Variants in REC114 observed in about 807,000 individuals in gnomAD.
REC114 encodes the protein meiotic recombination protein REC114.
A neutral mutation model predicts 31.3 loss-of-function variants in REC114; 27 were observed. The ratio of observed to expected loss-of-function variants is 0.86; its 90% CI spans 0.64 to 1.19. The LOEUF (loss-of-function observed/expected upper bound fraction) is 1.19. REC114 is among the 50% of genes most tolerant of loss of function. REC114 has a pLI of 0.00. For synonymous variants in REC114, 134 were observed against 127.7 expected, an observed-to-expected ratio of 1.05 and a Z score of -0.33; for missense variants, 344 against 326.9, an observed-to-expected ratio of 1.05 and a Z score of -0.40.
At chr15:73,495,290 T>C (rs1335392811) in intron 2 of REC114, among the ~76,000 whole-genome samples, 1 of 152,138 alleles carries the variant, frequency 6.6e-6, no homozygotes, top group African/African-American at 2.4e-5. Flanking sequence ...GTGTAGACTG[T>C]CTTTATTTTT....
intron 2 of REC114, among the ~76,000 whole-genome samples, chr15:73,520,228 T>G (rs1893916876): frequency 6.6e-6 from 1 of 151,986 alleles, no homozygotes; most frequent in South Asian, 2.1e-4. Flanking sequence ...TTTTTTCGTT[T>G]TGGGTTTTTT....
chr15:73,529,962 AAC>A lies in REC114; in HGVS notation c.250-10519_250-10518del, dbSNP rs780592195. Among the ~76,000 whole-genome samples the A allele has an allele frequency of 3.3e-5, 5 of 152,190 alleles. 1 individual carries two copies. The South Asian group carries it at 6.2e-4, about 19-fold the overall frequency. On this transcript the variant is annotated intron_variant, in intron 2 of 5. Coordinates refer to ENST00000331090, the MANE Select transcript of REC114 (RefSeq NM_001042367.2). ...GATTTCTAGATGATAAAAATTGTAA[AAC>A]ACAGTCGTCCTTTTTTGTTGACATT...
At chr15:73,507,141 T>C (rs1321554036) in intron 2 of REC114, among the ~76,000 whole-genome samples, 1 of 152,286 alleles carries the variant, frequency 6.6e-6, no homozygotes, top group East Asian at 1.9e-4. Flanking sequence ...CTACAATTAA[T>C]AAGATAAATT....
At chr15:73,506,424 C>G (rs1427963387) in intron 2 of REC114, among the ~76,000 whole-genome samples, 2 of 152,112 alleles carry the variant, frequency 1.3e-5, no homozygotes, top group Non-Finnish European at 2.9e-5. Flanking sequence ...ATTACTAATA[C>G]TTATGAAATC....
intron 2 of REC114, among the ~76,000 whole-genome samples, chr15:73,530,353 G>C (rs1894060077): frequency 6.6e-6 from 1 of 152,078 alleles, no homozygotes; most frequent in Non-Finnish European, 1.5e-5. Context: ...CTAACAACTG[G>C]TTATGATTAT....
intron 5 of REC114, among the ~76,000 whole-genome samples, chr15:73,558,572 C>T (rs1203102761): frequency 6.6e-6 from 1 of 152,226 alleles, no homozygotes; most frequent in Non-Finnish European, 1.5e-5. Flanking sequence ...CATTATTAGT[C>T]ATTAGGCAAA....
At chr15:73,494,596 G>A (rs956615852) in intron 2 of REC114, among the ~76,000 whole-genome samples, 11 of 151,646 alleles carry the variant, frequency 7.3e-5, no homozygotes, top group Admixed American at 7.2e-4. Flanking sequence ...AAAAAGAAAT[G>A]TACCTTTTCT....
At chr15:73,463,190 T>C (rs1162431941) in intron 1 of REC114, among the ~76,000 whole-genome samples, 2 of 152,174 alleles carry the variant, frequency 1.3e-5, no homozygotes, top group Non-Finnish European at 2.9e-5. Flanking sequence ...AATTTTTAGG[T>C]TTCTCTGCAG....
intron 2 of REC114, among the ~76,000 whole-genome samples, chr15:73,529,142 T>A (rs537562661): frequency 1.2e-3 from 180 of 151,344 alleles, no homozygotes; most frequent in African/African-American, 4.2e-3. Flanking sequence ...TTATTTATTT[T>A]ATTTTTTTTT....
chr15:73,478,015 G>A (rs765579484), intron 2 of REC114, among the ~76,000 whole-genome samples: 9 of 152,160 alleles, frequency 5.9e-5, no homozygotes, highest in Non-Finnish European at 1.2e-4. Flanking sequence ...TGTAATCCCA[G>A]CACTTTGTGA....
At chr15:73,475,266 A>G (rs1267589826) in intron 2 of REC114, among the ~76,000 whole-genome samples, 2 of 152,234 alleles carry the variant, frequency 1.3e-5, no homozygotes, top group African/African-American at 2.4e-5. Context: ...CACTGTAGTC[A>G]CAAAACCAAG....
intron 1 of REC114, among the ~76,000 whole-genome samples, chr15:73,459,532 C>T (rs1057051983): frequency 6.6e-6 from 1 of 152,128 alleles, no homozygotes; most frequent in Non-Finnish European, 1.5e-5. Context: ...GCGCCCGGCC[C>T]TAATTAAATA....
intron 2 of REC114, among the ~76,000 whole-genome samples, chr15:73,504,786 CTA>C (rs1225340169): frequency 6.6e-6 from 1 of 152,054 alleles, no homozygotes; most frequent in African/African-American, 2.4e-5. Context: ...AAAAAATTGA[CTA>C]TTCATGAATT....
chr15:73,556,240 T>C, intron 4 of REC114, 62 bp from the exon 5 acceptor site: 2 of 1,403,618 alleles, frequency 1.4e-6, no homozygotes. Flanking sequence ...TGCTCTTTAA[T>C]GGCCTTTGGT....
intron 3 of REC114, among the ~76,000 whole-genome samples, chr15:73,549,135 T>C (rs1894354040): frequency 6.6e-6 from 1 of 152,072 alleles, no homozygotes; most frequent in Non-Finnish European, 1.5e-5. Flanking sequence ...AGTTTACCTA[T>C]GTAAAAAACC....
intron 2 of REC114, among the ~76,000 whole-genome samples, chr15:73,524,618 G>A (rs1893981074): frequency 6.6e-6 from 1 of 151,916 alleles, no homozygotes; most frequent in Non-Finnish European, 1.5e-5. Context: ...TTTTTTTGGA[G>A]ACAGAGTCTC....
At chr15:73,548,115 T>A (rs1894335998) in intron 3 of REC114, among the ~76,000 whole-genome samples, 1 of 152,010 alleles carries the variant, frequency 6.6e-6, no homozygotes, top group Admixed American at 6.6e-5. Flanking sequence ...AATAGACACT[T>A]TTTTTTTCTT....
At chr15:73,554,770 C>T (rs1167207823) in intron 4 of REC114, among the ~76,000 whole-genome samples, 2 of 152,222 alleles carry the variant, frequency 1.3e-5, no homozygotes, top group African/African-American at 4.8e-5. Flanking sequence ...AATCCTAGAG[C>T]CCGCTAGCCT....
intron 3 of REC114, among the ~76,000 whole-genome samples, chr15:73,545,368 T>G (rs1566949014): frequency 6.6e-6 from 1 of 152,196 alleles, no homozygotes; most frequent in East Asian, 1.9e-4. Flanking sequence ...AATTATGGCA[T>G]AAAAATAAAT....
Sources: allele counts gnomAD v4.1 joint callset (sites outside exome capture counted in the v4.1 genomes callset), GRCh38; gene constraint gnomAD v4.1.1; transcripts MANE v1.5; gene names NCBI Gene and HGNC (gene_info 2026-07-23, HGNC 2026-07-21).